MED12L: variants seen among roughly 807,000 people sequenced by gnomAD.
The protein encoded by MED12L is mediator of RNA polymerase II transcription subunit 12-like protein.
Under a neutral mutation model 281.3 loss-of-function variants are expected in MED12L, and 60 were observed. The ratio of observed to expected loss-of-function variants is 0.21; its 90% CI spans 0.17 to 0.26. The LOEUF (loss-of-function observed/expected upper bound fraction) is 0.26. Among genes scored for constraint, MED12L ranks in the 10% least tolerant of loss-of-function variants. MED12L has a pLI of 1.00. For synonymous variants in MED12L, 974 were observed against 987.2 expected (o/e 0.99, Z 0.25); for missense variants, 2,146 against 2,680.9 (o/e 0.80, Z 4.41).
intron 16 of MED12L, among the ~76,000 whole-genome samples, chr3:151,223,305 A>G (rs541485185): frequency 6.6e-6 from 1 of 152,326 alleles, no homozygotes; most frequent in Admixed American, 6.5e-5. Context: ...AACTAAACAT[A>G]AAATTACCAT....
intron 16 of MED12L, among the ~76,000 whole-genome samples, chr3:151,321,333 G>A (rs1345771425): frequency 5.9e-5 from 9 of 152,138 alleles, no homozygotes; most frequent in Non-Finnish European, 1.3e-4. Flanking sequence ...TATGGGGAGA[G>A]AAGGGAGGTC....
chr3:151,382,095 T>C (rs1458501275), intron 32 of MED12L, among the ~76,000 whole-genome samples: 1 of 152,140 alleles, frequency 6.6e-6, no homozygotes, highest in African/African-American at 2.4e-5. Context: ...TGTGAGTCAG[T>C]GAGGAAGTGA....
intron 2 of MED12L, among the ~76,000 whole-genome samples, chr3:151,101,362 A>T (rs1721369718): frequency 6.6e-6 from 1 of 152,082 alleles, no homozygotes; most frequent in Non-Finnish European, 1.5e-5. Flanking sequence ...GGTGGTCATT[A>T]TTATCTCTTG....
intron 2 of MED12L, among the ~76,000 whole-genome samples, chr3:151,113,742 A>G (rs1224006550): frequency 1.3e-5 from 2 of 152,224 alleles, no homozygotes; most frequent in African/African-American, 4.8e-5. Context: ...ATATGTATCC[A>G]TTGTTCCATG....
At chr3:151,284,243 A>G (rs908306749) in intron 16 of MED12L, among the ~76,000 whole-genome samples, 13 of 151,968 alleles carry the variant, frequency 8.6e-5, no homozygotes, top group Non-Finnish European at 1.8e-4. Context: ...GTTAACTGAA[A>G]TCAAAGGAAG....
chr3:151,116,064 C>CAAAAAAAA (rs59017489), intron 2 of MED12L, among the ~76,000 whole-genome samples: 2 of 92,266 alleles, frequency 2.2e-5, no homozygotes, highest in Non-Finnish European at 4.3e-5. Context: ...ACTCCATCTC[C>CAAAAAAAA]AAAAAAAAAA....
chr3:151,285,507 A>G (rs1743368346), intron 16 of MED12L, among the ~76,000 whole-genome samples: 1 of 151,768 alleles, frequency 6.6e-6, no homozygotes, highest in African/African-American at 2.4e-5. Flanking sequence ...AAAAAAGAAT[A>G]ATACAGTGGT....
chr3:151,333,227 G>A (rs1441226954), intron 16 of MED12L, among the ~76,000 whole-genome samples: 2 of 152,160 alleles, frequency 1.3e-5, no homozygotes, highest in African/African-American at 4.8e-5. Context: ...GTGTCTCTAT[G>A]ATAGAATAAC....
chr3:151,346,698 C>A (rs950068136), intron 16 of MED12L, among the ~76,000 whole-genome samples: 1 of 152,066 alleles, frequency 6.6e-6, no homozygotes, highest in Non-Finnish European at 1.5e-5. Flanking sequence ...GCTTATTTCT[C>A]CCCTCACCAT....
intron 11 of MED12L, among the ~76,000 whole-genome samples, chr3:151,175,167 A>T (rs1721891049): frequency 6.6e-6 from 1 of 152,182 alleles, no homozygotes; most frequent in African/African-American, 2.4e-5. Context: ...TACTTCTGTG[A>T]CTTGCAGTTC....
chr3:151,380,890 C>G (rs778422735), intron 32 of MED12L, among the ~76,000 whole-genome samples: 2 of 152,176 alleles, frequency 1.3e-5, no homozygotes, highest in Non-Finnish European at 2.9e-5. Flanking sequence ...AGCTTGGATG[C>G]CACATTATCA....
chr3:151,294,353 AT>A, intron 16 of MED12L: 2 of 1,614,136 alleles, frequency 1.2e-6, no homozygotes, highest in Non-Finnish European at 1.7e-6. Flanking sequence ...GAAAAGTGTA[AT>A]TTCTTTGCAG....
At chr3:151,117,228 T>C (rs1417780549) in intron 3 of MED12L, among the ~76,000 whole-genome samples, 3 of 152,222 alleles carry the variant, frequency 2.0e-5, no homozygotes, top group African/African-American at 7.2e-5. Flanking sequence ...ATTTTTCTTT[T>C]TGATGCTCAA....
At chr3:151,203,843 A>G (rs1725999214) in intron 16 of MED12L, among the ~76,000 whole-genome samples, 1 of 152,186 alleles carries the variant, frequency 6.6e-6, no homozygotes, top group African/African-American at 2.4e-5. Context: ...TTTATAGTTT[A>G]TAATTTTTCA....
chr3:151,371,304 C>G (rs1256596920), intron 26 of MED12L, among the ~76,000 whole-genome samples: 1 of 152,108 alleles, frequency 6.6e-6, no homozygotes, highest in Non-Finnish European at 1.5e-5. Flanking sequence ...CAATGTAACT[C>G]AAGGTATAGA....
chr3:151,306,675 G>A (rs1007602450), intron 16 of MED12L, among the ~76,000 whole-genome samples: 5 of 152,190 alleles, frequency 3.3e-5, no homozygotes, highest in African/African-American at 4.8e-5. Flanking sequence ...GTACCACGCC[G>A]GGGGAAACTC....
chr3:151,380,932 A>G (rs1712213798), intron 32 of MED12L, among the ~76,000 whole-genome samples: 1 of 152,210 alleles, frequency 6.6e-6, no homozygotes, highest in Non-Finnish European at 1.5e-5. Flanking sequence ...CTGTAGGTTC[A>G]GAAACTCAGT....
chr3:151,200,231 AACAT>A (rs1725347625), intron 16 of MED12L, among the ~76,000 whole-genome samples: 1 of 152,144 alleles, frequency 6.6e-6, no homozygotes, highest in Non-Finnish European at 1.5e-5. Context: ...CCAAATCTGG[AACAT>A]TGAGCGGGTT....
chr3:151,288,933 C>T (rs991324328), intron 16 of MED12L, among the ~76,000 whole-genome samples: 2 of 152,184 alleles, frequency 1.3e-5, no homozygotes, highest in African/African-American at 4.8e-5. Context: ...TTGGTCACTG[C>T]ACATCTGGTA....
Sources: allele counts gnomAD v4.1 joint callset (sites outside exome capture counted in the v4.1 genomes callset), GRCh38; gene constraint gnomAD v4.1.1; transcripts MANE v1.5; gene names NCBI Gene and HGNC (gene_info 2026-07-23, HGNC 2026-07-21).